RIMS2: variants seen among roughly 807,000 people sequenced by gnomAD.
RIMS2 encodes regulating synaptic membrane exocytosis protein 2.
In RIMS2, 59 loss-of-function variants were observed where a neutral mutation model predicts 174.4. The observed-to-expected ratio is 0.34, with a 90% confidence interval of 0.27 to 0.42. The LOEUF (loss-of-function observed/expected upper bound fraction) is 0.42. Ranked by LOEUF, RIMS2 falls within the 10% of genes least tolerant of loss-of-function variation. RIMS2 has a pLI of 1.00. For missense variants in RIMS2, 1,620 were observed against 1,666.3 expected, an observed-to-expected ratio of 0.97 and a Z score of 0.48; for synonymous variants, 606 against 572.5, an observed-to-expected ratio of 1.06 and a Z score of -0.84.
Position 103,806,413 on chromosome 8 carries a change from AGTACCGTG to A in RIMS2, c.698+39878_698+39885del, listed in dbSNP as rs200839397. On this transcript the variant is annotated intron_variant, in intron 3 of 23. Transcript: ENST00000504942. Reference sequence around the variant, plus strand: ...GAAGTTGCTGAATGACAGATACAGTAGTACCGTGGAAGGAGCACTGGACTATAAATCAC... The same window carrying A: ...GAAGTTGCTGAATGACAGATACAGTAGAAGGAGCACTGGACTATAAATCAC... 5.5e-3 allele frequency among the ~76,000 whole-genome samples: 843 copies of A among 152,280 alleles called. 8 individuals are homozygous for A. The highest frequency in any genetic ancestry group is 5.8e-3 in the Non-Finnish European group (394 of 68,008).
chr8:104,008,987 T>G (rs1331732195), intron 17 of RIMS2, among the ~76,000 whole-genome samples: 2 of 152,048 alleles, frequency 1.3e-5, no homozygotes, highest in African/African-American at 4.8e-5. Flanking sequence ...GGCAAATATT[T>G]TGTATCTTGC....
At chr8:103,745,187 A>G (rs2097796814) in intron 2 of RIMS2, among the ~76,000 whole-genome samples, 1 of 152,106 alleles carries the variant, frequency 6.6e-6, no homozygotes, top group Admixed American at 6.6e-5. Flanking sequence ...TCACTCCCTT[A>G]CTTCCCTATA....
At chr8:104,238,032 A>G (rs2099267532) in intron 19 of RIMS2, among the ~76,000 whole-genome samples, 1 of 152,212 alleles carries the variant, frequency 6.6e-6, no homozygotes, top group Non-Finnish European at 1.5e-5. Context: ...TACAATAGCA[A>G]ATACTTGGAA....
intron 19 of RIMS2, among the ~76,000 whole-genome samples, chr8:104,154,804 A>G (rs2098711319): frequency 6.6e-6 from 1 of 152,088 alleles, no homozygotes; most frequent in African/African-American, 2.4e-5. Context: ...GTAATCATTT[A>G]CTCATCTATC....
At chr8:103,696,633 G>A (rs1399502973) in intron 1 of RIMS2, among the ~76,000 whole-genome samples, 5 of 151,912 alleles carry the variant, frequency 3.3e-5, no homozygotes, top group Admixed American at 2.6e-4. Context: ...TCAGGAAGCC[G>A]AGGCAGGCGA....
intron 13 of RIMS2, among the ~76,000 whole-genome samples, chr8:103,941,985 G>A (rs2082646748): frequency 6.6e-6 from 1 of 152,166 alleles, no homozygotes; most frequent in African/African-American, 2.4e-5. Flanking sequence ...CACTTCAATT[G>A]TAAGAGTTAA....
intron 1 of RIMS2, among the ~76,000 whole-genome samples, chr8:103,663,503 G>C (rs182169453): frequency 8.3e-4 from 127 of 152,178 alleles, no homozygotes; most frequent in African/African-American, 2.8e-3. Flanking sequence ...TAGACAAACA[G>C]CCAAATCATG....
intron 19 of RIMS2, among the ~76,000 whole-genome samples, chr8:104,228,674 T>TA (rs1406553445): frequency 1.3e-5 from 2 of 152,218 alleles, no homozygotes; most frequent in Non-Finnish European, 2.9e-5. Flanking sequence ...TAACATGTGA[T>TA]AGAGACTTTT....
intron 19 of RIMS2, among the ~76,000 whole-genome samples, chr8:104,082,675 A>C (rs1332487199): frequency 6.6e-6 from 1 of 152,030 alleles, no homozygotes; most frequent in African/African-American, 2.4e-5. Flanking sequence ...AATGTTCTAC[A>C]TTTTAAATTT....
At chr8:103,917,739 C>T (rs1226212676) in intron 8 of RIMS2, among the ~76,000 whole-genome samples, 1 of 151,954 alleles carries the variant, frequency 6.6e-6, no homozygotes, top group African/African-American at 2.4e-5. Context: ...TAAAAGTTTC[C>T]GGTGGCTCAT....
chr8:103,686,520 C>T lies in RIMS2; in HGVS notation c.177-10566C>T, dbSNP rs1447502971. Among the ~76,000 whole-genome samples the T allele has an allele frequency of 2.6e-5, 4 of 152,078 alleles. No homozygotes were observed. The East Asian group carries it at 7.7e-4, about 29-fold the overall frequency. On this transcript the variant is annotated intron_variant, in intron 1 of 23. Coordinates refer to ENST00000504942, the Ensembl canonical transcript of RIMS2. ...GAAGTTTTTGTCAATTCCTAGTTTG[C>T]TAAGCAGTTGTGTGACATGCTTTCT...
chr8:103,600,304 C>A (rs1239924381), intron 1 of RIMS2, among the ~76,000 whole-genome samples: 1 of 150,524 alleles, frequency 6.6e-6, no homozygotes, highest in Non-Finnish European at 1.5e-5. Flanking sequence ...GAGTCTCAGT[C>A]TGTCACCCAG....
intron 1 of RIMS2, among the ~76,000 whole-genome samples, chr8:103,599,936 A>C (rs996547167): frequency 6.6e-6 from 1 of 152,182 alleles, no homozygotes; most frequent in Non-Finnish European, 1.5e-5. Flanking sequence ...ATTTACAATC[A>C]AATTATTTTG....
chr8:103,574,565 G>A (rs1180030972), intron 1 of RIMS2, among the ~76,000 whole-genome samples: 1 of 152,128 alleles, frequency 6.6e-6, no homozygotes, highest in African/African-American at 2.4e-5. Context: ...TGTCTATAAT[G>A]TTTGGATTCA....
Position 103,917,626 on chromosome 8 carries a change from T to TA in RIMS2, c.2037-810dup, listed in dbSNP as rs544508263. On this transcript the variant is annotated intron_variant, in intron 8 of 23. Transcript: ENST00000504942. Reference sequence around the variant, plus strand: ...TTTACCCCTTGTGTCAAATCTCAAATAAAAAGATACACTTACTTTTGGTGT... The same window carrying TA: ...TTTACCCCTTGTGTCAAATCTCAAATAAAAAAGATACACTTACTTTTGGTGT... 4.8e-3 allele frequency among the ~76,000 whole-genome samples: 738 copies of TA among 152,308 alleles called. 5 individuals carry two copies. The highest frequency in any genetic ancestry group is 7.4e-3 in the Non-Finnish European group (505 of 68,010).
At chr8:103,804,200 G>A (rs751821391) in intron 3 of RIMS2, among the ~76,000 whole-genome samples, 44 of 152,158 alleles carry the variant, frequency 2.9e-4, no homozygotes, top group Admixed American at 3.9e-4. Context: ...GACAGCTTCT[G>A]TATTCAATAT....
chr8:103,725,176 A>G (rs1438905015), intron 2 of RIMS2, among the ~76,000 whole-genome samples: 1 of 152,152 alleles, frequency 6.6e-6, no homozygotes, highest in Non-Finnish European at 1.5e-5. Context: ...TAGTTTCCTC[A>G]CATTACTCTT....
At chr8:104,024,260 A>G (rs918462265) in intron 19 of RIMS2, among the ~76,000 whole-genome samples, 4 of 152,158 alleles carry the variant, frequency 2.6e-5, no homozygotes, top group Non-Finnish European at 4.4e-5. Flanking sequence ...TTTTGCTTGT[A>G]GTTTACCAAG....
At chr8:103,802,724 T>G (rs1197411673) in intron 3 of RIMS2, among the ~76,000 whole-genome samples, 2 of 152,150 alleles carry the variant, frequency 1.3e-5, no homozygotes, top group African/African-American at 4.8e-5. Flanking sequence ...AGTTAGGAAG[T>G]ACCCTTTGGA....
Sources: gnomAD v4.1 joint callset for allele counts (sites outside exome capture counted in the v4.1 genomes callset) on GRCh38, gnomAD v4.1.1 for gene constraint, MANE v1.5 for transcripts, NCBI Gene and HGNC (gene_info 2026-07-23, HGNC 2026-07-21) for gene names.